The following CNIH4 variants were observed in gnomAD, a reference collection of about 807,000 sequenced individuals.
CNIH4 encodes the protein protein cornichon homolog 4.
In CNIH4, 9 loss-of-function variants were observed where a neutral mutation model predicts 21.5. That is an observed-to-expected ratio of 0.42 (90% CI 0.25 to 0.73). CNIH4 has a LOEUF of 0.73. Among genes scored for constraint, CNIH4 ranks in the 30% least tolerant of loss-of-function variants. The pLI is 0.27. For synonymous variants in CNIH4, 67 were observed against 59.1 expected, an observed-to-expected ratio of 1.13 and a Z score of -0.61; for missense variants, 159 against 170.0, an observed-to-expected ratio of 0.94 and a Z score of 0.36.
At chr1:224,364,919 GAA>G (rs879373464) in intron 2 of CNIH4, among the ~76,000 whole-genome samples, 5 of 130,982 alleles carry the variant, frequency 3.8e-5, no homozygotes, top group Non-Finnish European at 3.3e-5. Context: ...GCGACAGAGC[GAA>G]AAAAAAAAAA....
rs745438705 is a variant in CNIH4, at chr1:224,377,047, C to T, written c.*1225C>T. 3 of 410,306 alleles carry T rather than the reference C, an allele frequency of 7.3e-6. No individual in the cohort carries two copies. Among genetic ancestry groups the T allele is most frequent in the African/African-American group, 4.3e-5 (2 of 46,030 alleles). 25.4% of individuals were successfully genotyped at this position (410,306 alleles called of 1,614,324 possible). A position where few individuals can be genotyped will look rare whatever the true frequency, so the allele number is the denominator to read the frequency against. On this transcript the variant is annotated 3_prime_UTR_variant, in exon 5 of 5. Coordinates refer to ENST00000465271, the MANE Select transcript of CNIH4 (RefSeq NM_014184.4). ...CCCAAAAGATTAAATGTTACATGTC[C>T]TTTTAGTCCTTGACCAGGTCTAGCC...
chr1:224,369,665 C>G (rs1455173167), intron 3 of CNIH4, among the ~76,000 whole-genome samples: 1 of 150,338 alleles, frequency 6.7e-6, no homozygotes, highest in Non-Finnish European at 1.5e-5. Flanking sequence ...ACCCCGTTTA[C>G]CCTGATGTGA....
Position 224,376,506 on chromosome 1 carries a change from A to T in CNIH4, c.*684A>T, listed in dbSNP as rs113994437. 2.1e-3 allele frequency: 2,079 copies of T among 985,402 alleles called. 30 individuals carry two copies. In the African/African-American group the frequency reaches 0.033, roughly 16 times the overall value. The allele number at this position is 985,402 out of a possible 1,614,324, so 61.0% of individuals were successfully genotyped here. A position where few individuals can be genotyped will look rare whatever the true frequency, so the allele number is the denominator to read the frequency against. On this transcript the variant is annotated 3_prime_UTR_variant, in exon 5 of 5. Coordinates refer to ENST00000465271, the MANE Select transcript of CNIH4 (RefSeq NM_014184.4). ...CTCCACAATCACCCCCAAACCCAGA[A>T]AATCCCCACTGGCTCTTGCCAGTCT...
chr1:224,359,092 A>G (rs975308890), intron 1 of CNIH4, among the ~76,000 whole-genome samples: 1 of 152,170 alleles, frequency 6.6e-6, no homozygotes, highest in African/African-American at 2.4e-5. Context: ...TGGTTAACGA[A>G]TAGACCATCT....
At position 224,379,162 on chromosome 1, in the gene CNIH4, A is replaced by G; in HGVS notation, c.*3340A>G. ...GCAGCTCAGTTCATCAAAGCCTAGC[A>G]GGTCCCCTCAGCTGCCTTTTCATGC... is the stretch of plus-strand genomic sequence containing the variant. On this transcript the variant is annotated 3_prime_UTR_variant, in exon 5 of 5. Coordinates refer to ENST00000465271, the MANE Select transcript of CNIH4 (RefSeq NM_014184.4). 2 of 1,491,776 alleles carry G rather than the reference A, an allele frequency of 1.3e-6. No individual in the cohort carries two copies. Among genetic ancestry groups the G allele is most frequent in the Non-Finnish European group, 1.8e-6 (2 of 1,093,616 alleles). 92.4% of individuals were successfully genotyped at this position (1,491,776 alleles called of 1,614,324 possible).
In CNIH4 at chr1:224,378,988, TC is replaced by T. The variant is rs1255969092; in HGVS notation, c.*3168del. 3.6e-5 allele frequency: 50 copies of T among 1,393,090 alleles called. No homozygotes were observed. In the African/African-American group the frequency reaches 7.1e-4, roughly 20 times the overall value. The allele number at this position is 1,393,090 out of a possible 1,614,324, so 86.3% of individuals were successfully genotyped here. A position where few individuals can be genotyped will look rare whatever the true frequency, so the allele number is the denominator to read the frequency against. Reference sequence around the variant, plus strand: ...TATAATGGCAGTACCCAGGGCCCGGTCCATAGACTACTATCGAGTGCTCCTA... The same window carrying T: ...TATAATGGCAGTACCCAGGGCCCGGTCATAGACTACTATCGAGTGCTCCTA... On this transcript the variant is annotated 3_prime_UTR_variant, in exon 5 of 5. Coordinates refer to ENST00000465271, the MANE Select transcript of CNIH4 (RefSeq NM_014184.4).
intron 4 of CNIH4, 116 bp downstream of exon 4, chr1:224,371,539 T>C: frequency 9.9e-7 from 1 of 1,005,160 alleles, no homozygotes; most frequent in East Asian, 2.4e-5. Context: ...ATTATGTAAA[T>C]TCCTTGTGGC....
At chr1:224,374,020 C>G (rs1442956050) in intron 4 of CNIH4, among the ~76,000 whole-genome samples, 1 of 152,212 alleles carries the variant, frequency 6.6e-6, no homozygotes, top group Non-Finnish European at 1.5e-5. Context: ...TTTCCCTTCC[C>G]TATCAGCCTG....
At chr1:224,360,423 G>C in intron 1 of CNIH4, 72 bp from the exon 2 acceptor site, 1 of 735,074 alleles carries the variant, frequency 1.4e-6, no homozygotes, top group Non-Finnish European at 2.1e-6. Context: ...CTTGTAACTG[G>C]GATTGCTTTC....
chr1:224,373,600 T>C (rs1672696273), intron 4 of CNIH4, among the ~76,000 whole-genome samples: 1 of 151,450 alleles, frequency 6.6e-6, no homozygotes. Flanking sequence ...GAGGCCGAGG[T>C]GGGTGGATCA....
intron 4 of CNIH4, among the ~76,000 whole-genome samples, chr1:224,373,653 C>G (rs1484158031): frequency 6.6e-6 from 1 of 151,834 alleles, no homozygotes; most frequent in Non-Finnish European, 1.5e-5. Context: ...AATGGTGAAA[C>G]CCCATCTCTA....
chr1:224,369,237 CAG>C (rs1228156248), intron 3 of CNIH4, among the ~76,000 whole-genome samples: 22 of 152,168 alleles, frequency 1.4e-4, no homozygotes, highest in African/African-American at 5.3e-4. Context: ...GATTGGCTGT[CAG>C]ACACTGGAAG....
At chr1:224,371,722 C>A (rs1434787728) in intron 4 of CNIH4, among the ~76,000 whole-genome samples, 1 of 152,198 alleles carries the variant, frequency 6.6e-6, no homozygotes, top group Admixed American at 6.5e-5. Context: ...GAGGGCAGAT[C>A]ACCTGAGGTC....
intron 4 of CNIH4, among the ~76,000 whole-genome samples, chr1:224,374,669 C>T (rs909400944): frequency 1.4e-5 from 2 of 145,184 alleles, no homozygotes; most frequent in Admixed American, 6.9e-5. Context: ...GGATTACAGG[C>T]GTGAGCCACC....
At chr1:224,360,659 G>A (rs905749626) in intron 2 of CNIH4, 96 bp downstream of exon 2, 1 of 550,606 alleles carries the variant, frequency 1.8e-6, no homozygotes, top group East Asian at 3.3e-5. Flanking sequence ...TGATTTTAGA[G>A]TACATGTTGT....
Position 224,365,944 on chromosome 1 carries a change from G to A in CNIH4, c.204G>A (p.Trp68Ter), listed in dbSNP as rs773062618. The A allele has an allele frequency of 3.1e-6, 5 of 1,612,988 alleles. No homozygotes were observed. The highest frequency in any genetic ancestry group is 1.3e-5 in the African/African-American group (1 of 75,000). The part of the protein sequence containing the change: ...VTVLLLMSLH[W>*]FIFLLNLPVA... ...TATTACTGCTCATGTCATTGCACTG[G>A]TTCATCTTCCTTCTCAACTTACCTG... is the stretch of plus-strand genomic sequence containing the variant. Residue 68 changes from tryptophan to a stop codon, truncating the protein, a stop_gained, in exon 3 of 5, where the codon TGG (tryptophan) becomes TGA (stop). Transcript: ENST00000465271. LOFTEE classifies it high-confidence loss of function.
intron 1 of CNIH4, 76 bp downstream of exon 1, chr1:224,357,069 G>T: frequency 6.5e-7 from 1 of 1,532,052 alleles, no homozygotes; most frequent in Non-Finnish European, 8.9e-7. Flanking sequence ...ACCCGGGCAG[G>T]TGTGTGGGAC....
At chr1:224,362,380 A>AC (rs1491025644) in intron 2 of CNIH4, among the ~76,000 whole-genome samples, 1 of 36,956 alleles carries the variant, frequency 2.7e-5, no homozygotes. Flanking sequence ...TCTCATTCTC[A>AC]TTCTCTCTCT....
intron 2 of CNIH4, among the ~76,000 whole-genome samples, chr1:224,361,924 T>G (rs1672299716): frequency 1.3e-5 from 2 of 152,138 alleles, no homozygotes; most frequent in South Asian, 4.1e-4. Flanking sequence ...CCAATTAAAT[T>G]TTGAGGCCTT....
Sources: allele counts gnomAD v4.1 joint callset (sites outside exome capture counted in the v4.1 genomes callset), GRCh38; gene constraint gnomAD v4.1.1; transcripts MANE v1.5; gene names NCBI Gene and HGNC (gene_info 2026-07-23, HGNC 2026-07-21).